The following C1QTNF5 variants were observed in gnomAD, a reference collection of about 807,000 sequenced individuals.
C1QTNF5 encodes the protein C1q and TNF related 5, also known as complement C1q tumor necrosis factor-related protein 5.
C1QTNF5 carries 5 observed loss-of-function variants against 10.9 expected under a neutral mutation model. That is an observed-to-expected ratio of 0.46 (90% CI 0.24 to 0.97). C1QTNF5 has a LOEUF of 0.97. Among genes scored for constraint, C1QTNF5 ranks in the 50% least tolerant of loss-of-function variants. The pLI is 0.19. For synonymous variants in C1QTNF5, 161 were observed against 156.5 expected (o/e 1.03, Z -0.22); for missense variants, 281 against 339.4 (o/e 0.83, Z 1.35).
the C1QTNF5 span, chr11:119,346,558 A>G: frequency 6.2e-7 from 1 of 1,600,190 alleles, no homozygotes; most frequent in Non-Finnish European, 8.6e-7. Flanking sequence ...GTGACAGCCC[A>G]AGACCCCCAA....
At chr11:119,343,789 T>C (rs760949334), upstream of C1QTNF5, 11 of 1,613,566 alleles carry the variant, frequency 6.8e-6, no homozygotes, top group South Asian at 1.1e-4. Context: ...GATGGAGTTA[T>C]CCATGGCTCT....
the C1QTNF5 span, chr11:119,346,556 C>T: frequency 6.3e-7 from 1 of 1,599,676 alleles, no homozygotes; most frequent in Admixed American, 1.7e-5. Flanking sequence ...CTGTGACAGC[C>T]CAAGACCCCC....
rs983080084 is a variant in C1QTNF5 at position 119,339,295 on chromosome 11, T to G, written c.*36A>C. Reference sequence around the variant, plus strand: ...GGTTGTCAGCCTCACACCCTCCTTCTAGGAGTGAGAGCATGAGCTCACTTT... The same window carrying G: ...GGTTGTCAGCCTCACACCCTCCTTCGAGGAGTGAGAGCATGAGCTCACTTT... On this transcript the variant is annotated 3_prime_UTR_variant, in exon 3 of 3. Transcript: ENST00000528368. This position sits in a 1 kb window ranked among gnomAD's most constrained non-coding sequence, Gnocchi z 5.4. 6.2e-7 allele frequency: 1 copy of G among 1,601,956 alleles called. No individual in the cohort carries two copies. Among genetic ancestry groups the G allele is most frequent in the Non-Finnish European group, 8.5e-7 (1 of 1,172,976 alleles).
At chr11:119,346,330 G>T in the C1QTNF5 span, 1 of 1,614,060 alleles carries the variant, frequency 6.2e-7, no homozygotes, top group Non-Finnish European at 8.5e-7. Context: ...GGGGAGGGCA[G>T]GGTGGCCCAG....
At chr11:119,341,864 C>CCG, upstream of C1QTNF5, 2 of 1,610,448 alleles carry the variant, frequency 1.2e-6, no homozygotes, top group South Asian at 2.2e-5. Context: ...GACCTTGTAA[C>CCG]CGCTGAGGAC....
chr11:119,342,872 C>G, upstream of C1QTNF5: 2 of 1,613,140 alleles, frequency 1.2e-6, no homozygotes, highest in Non-Finnish European at 1.7e-6. Context: ...GGGGCACCTA[C>G]TCTCCGTGGC....
upstream of C1QTNF5, chr11:119,341,232 G>A (rs556985308): frequency 4.7e-6 from 2 of 429,856 alleles, no homozygotes; most frequent in South Asian, 2.7e-5. Flanking sequence ...TCAAGGAAAA[G>A]GTCAGAAGGC....
At chr11:119,343,003 C>A (rs780870624), upstream of C1QTNF5, 3 of 1,601,668 alleles carry the variant, frequency 1.9e-6, no homozygotes, top group Admixed American at 1.7e-5. Context: ...CTCCACAGAA[C>A]CTGCCCAAAG....
Position 119,340,269 on chromosome 11 carries a change from G to T in C1QTNF5, c.129C>A (p.Ser43Arg), listed in dbSNP as rs1357524649. The T allele has an allele frequency of 1.3e-6, 2 of 1,526,734 alleles. No homozygotes were observed. Among genetic ancestry groups the T allele is most frequent in the Non-Finnish European group, 1.8e-6 (2 of 1,139,170 alleles). 94.6% of individuals were successfully genotyped at this position (1,526,734 alleles called of 1,614,324 possible). A position where few individuals can be genotyped will look rare whatever the true frequency, so the allele number is the denominator to read the frequency against. Residue 43 changes from serine (S) to arginine (R), a missense_variant, in exon 2 of 3, where the codon AGC becomes AGA. Ser to Arg is a moderately radical substitution (Grantham distance 110). Transcript: ENST00000528368. Reference protein sequence around the residue: ...GLPGTPGHHGSQGLPGRDGRD... With the variant: ...GLPGTPGHHGRQGLPGRDGRD... ...GGCCATCGCGGCCCGGCAAGCCCTG[G>T]CTGCCATGGTGGCCCGGCGTGCCTG...
chr11:119,340,508 G>A (rs953527531), intron 1 of C1QTNF5, 68 bp from the exon 2 acceptor site: 7 of 1,241,976 alleles, frequency 5.6e-6, no homozygotes, highest in Admixed American at 2.0e-5. Context: ...CCACCCCGGC[G>A]CGGCCCAGTC....
upstream of C1QTNF5, chr11:119,341,900 A>T (rs1249498833): frequency 1.2e-6 from 2 of 1,613,896 alleles, no homozygotes; most frequent in South Asian, 2.2e-5. Flanking sequence ...CTGGGTGATC[A>T]TGCCCACCCA....
At chr11:119,344,598 G>T, upstream of C1QTNF5, 5 of 1,613,620 alleles carry the variant, frequency 3.1e-6, no homozygotes, top group Non-Finnish European at 4.2e-6. Flanking sequence ...CAGATCAGAC[G>T]CCTGAAGAGA....
chr11:119,340,699 C>G lies in C1QTNF5; in HGVS notation c.-48G>C, dbSNP rs185696769. ...CCCCTCCTCCGCCAGACTCACCCCC[C>G]CTCCCGGCTCCCCGATGGCCTCCTT... On this transcript the variant is annotated 5_prime_UTR_variant, in exon 1 of 3. Coordinates refer to ENST00000528368, the MANE Select transcript of C1QTNF5 (RefSeq NM_001278431.2). 0.015 allele frequency: 6,388 copies of G among 429,372 alleles called. 78 individuals are homozygous for G. Among genetic ancestry groups the G allele is most frequent in the South Asian group, 0.031 (1,143 of 36,854 alleles). 26.6% of individuals were successfully genotyped at this position (429,372 alleles called of 1,614,324 possible).
chr11:119,342,689 C>G, upstream of C1QTNF5: 6 of 1,613,748 alleles, frequency 3.7e-6, no homozygotes, highest in Non-Finnish European at 5.1e-6. Flanking sequence ...CCCTTACACC[C>G]TCCTGCCTGG....
At chr11:119,344,425 A>C, upstream of C1QTNF5, 1 of 1,601,986 alleles carries the variant, frequency 6.2e-7, no homozygotes, top group Non-Finnish European at 8.5e-7. Flanking sequence ...TGAGTTTGCT[A>C]GGATCTGTGC....
chr11:119,340,091 G>T, intron 2 of C1QTNF5, 93 bp downstream of exon 2: 1 of 1,396,506 alleles, frequency 7.2e-7, no homozygotes, highest in Non-Finnish European at 9.4e-7. Flanking sequence ...GGCGCCCCCT[G>T]GCGGGAGACC....
At chr11:119,341,824 C>A, upstream of C1QTNF5, 1 of 1,611,468 alleles carries the variant, frequency 6.2e-7, no homozygotes, top group East Asian at 2.2e-5. Context: ...CCTCCCCTCC[C>A]AGGCCCGCCC....
upstream of C1QTNF5, chr11:119,344,398 A>G (rs1236969246): frequency 1.2e-6 from 2 of 1,612,946 alleles, no homozygotes; most frequent in Non-Finnish European, 1.7e-6. Context: ...CACCCTGTAG[A>G]GAGGTGGAAG....
the C1QTNF5 span, chr11:119,346,245 C>T: frequency 1.9e-6 from 3 of 1,585,308 alleles, no homozygotes; most frequent in Admixed American, 3.6e-5. Context: ...CTCTGTCCTC[C>T]CCCAGGTCAC....
Sources: gnomAD v4.1 joint callset for allele counts on GRCh38, gnomAD v4.1.1 for gene constraint, Gnocchi (gnomAD v3.1) non-coding constraint, MANE v1.5 for transcripts, NCBI Gene and HGNC (gene_info 2026-07-23, HGNC 2026-07-21) for gene names.